KCTD8: variants seen among roughly 807,000 people sequenced by gnomAD.
KCTD8 encodes the protein potassium channel tetramerization domain containing 8.
Under a neutral mutation model 31.5 loss-of-function variants are expected in KCTD8, and 27 were observed. The observed-to-expected ratio is 0.86, with a 90% CI of 0.63 to 1.18. KCTD8 has a LOEUF of 1.18. Ranked by LOEUF, KCTD8 falls within the 50% of genes most tolerant of loss-of-function variation. The pLI, the probability that KCTD8 is intolerant of heterozygous loss-of-function variation, is 0.00. For missense variants in KCTD8, 658 were observed against 647.7 expected, an observed-to-expected ratio of 1.02 and a Z score of -0.17; for synonymous variants, 290 against 280.0, an observed-to-expected ratio of 1.04 and a Z score of -0.36.
chr4:44,193,770 T>C (rs1713839409), intron 1 of KCTD8, among the ~76,000 whole-genome samples: 1 of 151,996 alleles, frequency 6.6e-6, no homozygotes, highest in South Asian at 2.1e-4. Flanking sequence ...AATGTAAGGG[T>C]TTTTGTTGTT....
intron 1 of KCTD8, among the ~76,000 whole-genome samples, chr4:44,188,330 T>C (rs1184882097): frequency 6.6e-6 from 1 of 152,290 alleles, no homozygotes; most frequent in South Asian, 2.1e-4. Flanking sequence ...TTAATTTCAT[T>C]TCATAGTACA....
intron 1 of KCTD8, among the ~76,000 whole-genome samples, chr4:44,249,880 C>A (rs1715775370): frequency 6.6e-6 from 1 of 151,362 alleles, no homozygotes; most frequent in Non-Finnish European, 1.5e-5. Flanking sequence ...ATCCTTAGAT[C>A]TTTTTCCCTT....
intron 1 of KCTD8, among the ~76,000 whole-genome samples, chr4:44,192,251 T>G (rs180683610): frequency 6.6e-5 from 10 of 152,324 alleles, no homozygotes; most frequent in Admixed American, 1.3e-4. Context: ...CATTGTGTAT[T>G]TATGAGCAAA....
At chr4:44,405,224 T>G (rs1315499678) in intron 1 of KCTD8, among the ~76,000 whole-genome samples, 1 of 149,604 alleles carries the variant, frequency 6.7e-6, no homozygotes, top group African/African-American at 2.5e-5. Context: ...GGGACAAAGC[T>G]TTGATCAGCC....
intron 1 of KCTD8, among the ~76,000 whole-genome samples, chr4:44,340,868 G>A (rs1047355301): frequency 5.3e-5 from 8 of 151,874 alleles, no homozygotes; most frequent in South Asian, 2.1e-4. Flanking sequence ...GAAAAGATAC[G>A]GTGAAATTAT....
chr4:44,253,147 A>C (rs1294162437), intron 1 of KCTD8, among the ~76,000 whole-genome samples: 2 of 151,588 alleles, frequency 1.3e-5, no homozygotes, highest in African/African-American at 4.8e-5. Context: ...TTCTTGTTCA[A>C]CTTCACTAGA....
intron 1 of KCTD8, among the ~76,000 whole-genome samples, chr4:44,311,048 C>A (rs1717936421): frequency 7.1e-6 from 1 of 140,524 alleles, no homozygotes; most frequent in African/African-American, 2.5e-5. Context: ...TTGATGATTC[C>A]TCTTAAGGCA....
In KCTD8 at chr4:44,239,932, A is replaced by T. The variant is rs2109356585; in HGVS notation, c.962-64682T>A. On this transcript the variant is annotated intron_variant, in intron 1 of 1. Coordinates refer to ENST00000360029, the MANE Select transcript of KCTD8 (RefSeq NM_198353.3). ...GTTCTCTTGGTCTTGAGAATACTCC[A>T]CTTGAAGATTTGATAAGCCTTCTTG... Among the ~76,000 whole-genome samples, 3 of 152,190 alleles carry T rather than the reference A, an allele frequency of 2.0e-5. No homozygotes were observed. The East Asian group carries it at 5.8e-4, about 29-fold the overall frequency.
Position 44,448,243 on chromosome 4 carries a change from C to A in KCTD8, c.281G>T (p.Arg94Leu). The A allele has an allele frequency of 6.2e-7, 1 of 1,611,034 alleles. No homozygotes were observed. The highest frequency in any genetic ancestry group is 2.2e-5 in the East Asian group (1 of 44,662). ...GTCCCGGTCGATGAAGAAGCGCGCC[C>A]GGCTGTCCCTGGGCAGCTCGCCCCG... ...RRRGELPRDS[R>L]ARFFIDRDGF... Residue 94 changes from arginine to leucine, a missense_variant, in exon 1 of 2, where the codon CGG (arginine) becomes CTG (leucine). Coordinates refer to ENST00000360029, the MANE Select transcript of KCTD8 (RefSeq NM_198353.3). The surrounding 1 kb of genome is among the most constrained non-coding windows in gnomAD (Gnocchi z 4.1).
intron 1 of KCTD8, among the ~76,000 whole-genome samples, chr4:44,332,113 A>G (rs1272277508): frequency 6.6e-6 from 1 of 151,936 alleles, no homozygotes; most frequent in Admixed American, 6.6e-5. Context: ...TGCTCTAAGT[A>G]ATCAGAGGTG....
chr4:44,388,270 A>C (rs1720275360), intron 1 of KCTD8, among the ~76,000 whole-genome samples: 3 of 151,984 alleles, frequency 2.0e-5, no homozygotes, highest in Admixed American at 2.0e-4. Context: ...AGTGTAAATT[A>C]GTACAGCCAT....
intron 1 of KCTD8, among the ~76,000 whole-genome samples, chr4:44,237,265 C>T (rs1483571679): frequency 1.3e-5 from 2 of 152,078 alleles, no homozygotes; most frequent in African/African-American, 4.8e-5. Flanking sequence ...TCACTTCTCT[C>T]CCAGGGAGGA....
Position 44,382,698 on chromosome 4 carries a change from C to T in KCTD8, c.961+64865G>A, listed in dbSNP as rs572053983. Among the ~76,000 whole-genome samples, 50 of 150,670 alleles carry T rather than the reference C, an allele frequency of 3.3e-4. No individual in the cohort carries two copies. In the Middle Eastern group the frequency reaches 0.014, roughly 41 times the overall value. On this transcript the variant is annotated intron_variant, in intron 1 of 1. Coordinates refer to ENST00000360029, the MANE Select transcript of KCTD8 (RefSeq NM_198353.3). Reference sequence around the variant, plus strand: ...TGAGTTGAAATTGCACCATTGCATACCAGCCTGGGCAACAGGAGTGAAACT... The same window carrying T: ...TGAGTTGAAATTGCACCATTGCATATCAGCCTGGGCAACAGGAGTGAAACT...
At chr4:44,361,930 T>C (rs902893825) in intron 1 of KCTD8, among the ~76,000 whole-genome samples, 1 of 152,018 alleles carries the variant, frequency 6.6e-6, no homozygotes, top group East Asian at 1.9e-4. Context: ...TTAAGTATCA[T>C]AAGAAAGTAA....
chr4:44,439,822 A>G (rs1446987318), intron 1 of KCTD8, among the ~76,000 whole-genome samples: 2 of 151,982 alleles, frequency 1.3e-5, no homozygotes. Context: ...GGGGTATGGA[A>G]TATTTGCCCA....
chr4:44,191,611 T>C (rs955667148), intron 1 of KCTD8, among the ~76,000 whole-genome samples: 6 of 152,128 alleles, frequency 3.9e-5, no homozygotes, highest in African/African-American at 1.4e-4. Flanking sequence ...GTGTCTGTCC[T>C]ATGAGGTTGA....
intron 1 of KCTD8, among the ~76,000 whole-genome samples, chr4:44,318,480 G>A (rs1484763343): frequency 1.3e-5 from 2 of 152,056 alleles, no homozygotes; most frequent in Admixed American, 6.6e-5. Context: ...CATCTGGAAC[G>A]TGAAACTTAA....
At chr4:44,271,959 C>A (rs577078262) in intron 1 of KCTD8, among the ~76,000 whole-genome samples, 1 of 151,920 alleles carries the variant, frequency 6.6e-6, no homozygotes, top group East Asian at 1.9e-4. Context: ...AGGGTCTCCC[C>A]AACCAAGCTA....
intron 1 of KCTD8, among the ~76,000 whole-genome samples, chr4:44,416,312 A>T (rs572500289): frequency 3.9e-5 from 6 of 152,300 alleles, no homozygotes; most frequent in African/African-American, 1.4e-4. Context: ...GGATGGAGAT[A>T]AGTCTCAGAT....
Sources: gnomAD v4.1 joint callset for allele counts (sites outside exome capture counted in the v4.1 genomes callset) on GRCh38, gnomAD v4.1.1 for gene constraint, Gnocchi (gnomAD v3.1) non-coding constraint, MANE v1.5 for transcripts, NCBI Gene and HGNC (gene_info 2026-07-23, HGNC 2026-07-21) for gene names.